The following SPAG16 variants were observed in gnomAD, a reference collection of about 807,000 sequenced individuals.
SPAG16 encodes sperm-associated antigen 16 protein.
Under a neutral mutation model 80.4 loss-of-function variants are expected in SPAG16, and 86 were observed. That is an observed-to-expected ratio of 1.07 (90% CI 0.90 to 1.28). The LOEUF is 1.28. SPAG16 is among the 50% of genes most tolerant of loss of function. The probability of loss-of-function intolerance (pLI) is 0.00; values close to 1 mark genes in which losing one functional copy is unlikely to be tolerated. For synonymous variants in SPAG16, 294 were observed against 265.9 expected (o/e 1.11, Z -1.03); for missense variants, 870 against 765.3 (o/e 1.14, Z -1.61).
At chr2:214,310,303 G>T (rs921911630) in intron 15 of SPAG16, among the ~76,000 whole-genome samples, 1 of 151,922 alleles carries the variant, frequency 6.6e-6, no homozygotes, top group Non-Finnish European at 1.5e-5. Context: ...GGCTCTGTAT[G>T]AATTCATTGG....
At chr2:214,258,325 G>A (rs145946420) in intron 15 of SPAG16, among the ~76,000 whole-genome samples, 1 of 151,936 alleles carries the variant, frequency 6.6e-6, no homozygotes, top group African/African-American at 2.4e-5. Flanking sequence ...TTATAGGTGA[G>A]AACAAATGAT....
At chr2:214,351,369 G>C (rs570743582) in intron 15 of SPAG16, among the ~76,000 whole-genome samples, 4 of 151,878 alleles carry the variant, frequency 2.6e-5, no homozygotes, top group Admixed American at 2.6e-4. Flanking sequence ...TTTATACACA[G>C]ATAGGATTGT....
chr2:213,702,658 A>G (rs114497549), intron 10 of SPAG16, among the ~76,000 whole-genome samples: 2,141 of 152,326 alleles, frequency 0.014, 25 homozygotes, highest in South Asian at 0.035. Context: ...CCAATATACA[A>G]CTATCCGTAA....
At position 213,642,689 on chromosome 2, in the gene SPAG16, C is replaced by T. The variant is rs1348509879; in HGVS notation, c.1070+152599C>T. 3.3e-5 allele frequency among the ~76,000 whole-genome samples: 2 copies of T among 60,822 alleles called. 1 individual carries two copies. Among genetic ancestry groups the T allele is most frequent in the Non-Finnish European group, 6.6e-5 (2 of 30,252 alleles). The allele number at this position is 60,822 out of a possible 152,430, so 39.9% of individuals were successfully genotyped here. A position where few individuals can be genotyped will look rare whatever the true frequency, so the allele number is the denominator to read the frequency against. On this transcript the variant is annotated intron_variant, in intron 10 of 15. Coordinates refer to ENST00000331683, the MANE Select transcript of SPAG16 (RefSeq NM_024532.5). ...ACAAAAAATTAGCCGGGCGTAGTGG[C>T]GGGCGCCTGTAGTCCCAGCTACTTG...
intron 10 of SPAG16, among the ~76,000 whole-genome samples, chr2:213,498,462 A>G (rs2125765046): frequency 6.6e-6 from 1 of 152,268 alleles, no homozygotes; most frequent in Non-Finnish European, 1.5e-5. Context: ...AATTTTTCAT[A>G]TTAAAAGTGC....
intron 5 of SPAG16, among the ~76,000 whole-genome samples, chr2:213,329,913 G>A (rs115680536): frequency 0.014 from 2,174 of 152,326 alleles, 25 homozygotes; most frequent in South Asian, 0.038. Context: ...ATGACTAAAA[G>A]GGGCCAAGGT....
At chr2:213,785,528 G>A (rs1349679773) in intron 10 of SPAG16, among the ~76,000 whole-genome samples, 1 of 151,822 alleles carries the variant, frequency 6.6e-6, no homozygotes, top group Non-Finnish European at 1.5e-5. Context: ...GAATATTATT[G>A]GTCAAACTTT....
chr2:213,633,797 T>C (rs1193658495), intron 10 of SPAG16, among the ~76,000 whole-genome samples: 8 of 152,178 alleles, frequency 5.3e-5, no homozygotes, highest in Non-Finnish European at 1.0e-4. Context: ...TCTCTTCTTA[T>C]AGTTTTTGTC....
intron 15 of SPAG16, among the ~76,000 whole-genome samples, chr2:214,224,622 G>C (rs554032104): frequency 7.2e-5 from 11 of 152,208 alleles, no homozygotes; most frequent in Admixed American, 3.3e-4. Context: ...ATTACCCTAA[G>C]AACACAGCTG....
intron 3 of SPAG16, among the ~76,000 whole-genome samples, chr2:213,301,155 C>T (rs1203255048): frequency 6.6e-6 from 1 of 152,104 alleles, no homozygotes; most frequent in Non-Finnish European, 1.5e-5. Context: ...AAACAATTTT[C>T]ATTACTTTTA....
chr2:213,831,118 C>T (rs1400424932), intron 10 of SPAG16, among the ~76,000 whole-genome samples: 1 of 144,384 alleles, frequency 6.9e-6, no homozygotes, highest in Non-Finnish European at 1.5e-5. Context: ...CAGCTCACTG[C>T]AACCTTAGCC....
chr2:213,880,749 A>G (rs1298415364), intron 11 of SPAG16, among the ~76,000 whole-genome samples: 2 of 152,066 alleles, frequency 1.3e-5, no homozygotes, highest in Non-Finnish European at 2.9e-5. Context: ...TCCCCATCGC[A>G]TATTTTTGTC....
chr2:213,752,834 A>T (rs1052538368), intron 10 of SPAG16, among the ~76,000 whole-genome samples: 1 of 152,194 alleles, frequency 6.6e-6, no homozygotes, highest in South Asian at 2.1e-4. Flanking sequence ...CTATTCAGTT[A>T]GCAGTAGAAT....
chr2:213,497,577 C>A (rs2074549036), intron 10 of SPAG16, among the ~76,000 whole-genome samples: 1 of 151,806 alleles, frequency 6.6e-6, no homozygotes, highest in African/African-American at 2.4e-5. Flanking sequence ...CAGTTGCCCT[C>A]CTGGGACTGT....
intron 9 of SPAG16, among the ~76,000 whole-genome samples, chr2:213,489,067 T>G (rs1430040164): frequency 7.4e-6 from 1 of 134,912 alleles, no homozygotes; most frequent in Non-Finnish European, 1.6e-5. Context: ...AAAGCGAGAC[T>G]CCATCTCAAA....
At chr2:214,065,035 T>C (rs1425734667) in intron 13 of SPAG16, among the ~76,000 whole-genome samples, 1 of 151,994 alleles carries the variant, frequency 6.6e-6, no homozygotes, top group Non-Finnish European at 1.5e-5. Context: ...CTTTAAATAT[T>C]TTTTCTCATG....
chr2:213,580,750 T>G lies in SPAG16; in HGVS notation c.1070+90660T>G, dbSNP rs946459206. ...TCTTTAGATGAGTATATGGATGATA[T>G]ATAATTTCTGTTCTGTGAAAATCTT... On this transcript the variant is annotated intron_variant, in intron 10 of 15. Coordinates refer to ENST00000331683, the MANE Select transcript of SPAG16 (RefSeq NM_024532.5). Among the ~76,000 whole-genome samples the G allele has an allele frequency of 3.3e-5, 5 of 152,314 alleles. No individual in the cohort carries two copies. The East Asian group carries it at 9.6e-4, about 29-fold the overall frequency.
intron 9 of SPAG16, among the ~76,000 whole-genome samples, chr2:213,474,816 G>T (rs2073281675): frequency 6.6e-6 from 1 of 152,062 alleles, no homozygotes; most frequent in Admixed American, 6.6e-5. Context: ...TGATTAGTTG[G>T]TGCCCACCCA....
chr2:214,342,828 T>G (rs1253157149), intron 15 of SPAG16, among the ~76,000 whole-genome samples: 1 of 152,166 alleles, frequency 6.6e-6, no homozygotes, highest in Non-Finnish European at 1.5e-5. Context: ...AACATATTTA[T>G]ACGTTCATAA....
Sources: allele counts gnomAD v4.1 joint callset (sites outside exome capture counted in the v4.1 genomes callset), GRCh38; gene constraint gnomAD v4.1.1; transcripts MANE v1.5; gene names NCBI Gene and HGNC (gene_info 2026-07-23, HGNC 2026-07-21).